The following STIL variants were observed in gnomAD, a reference collection of about 807,000 sequenced individuals.
STIL encodes SCL-interrupting locus protein.
STIL carries 55 observed loss-of-function variants against 110.1 expected under a neutral mutation model. That is an observed-to-expected ratio of 0.50 (90% CI 0.40 to 0.63). The LOEUF is 0.63. Ranked by LOEUF, STIL falls within the 20% of genes least tolerant of loss-of-function variation. The pLI, the probability that STIL is intolerant of heterozygous loss-of-function variation, is 0.00. For synonymous variants in STIL, 481 were observed against 530.0 expected, an observed-to-expected ratio of 0.91 and a Z score of 1.27; for missense variants, 1,358 against 1,530.0, an observed-to-expected ratio of 0.89 and a Z score of 1.87.
intron 12 of STIL, among the ~76,000 whole-genome samples, chr1:47,273,225 C>G (rs951212024): frequency 6.6e-6 from 1 of 152,152 alleles, no homozygotes; most frequent in African/African-American, 2.4e-5. Context: ...AATTCATGTA[C>G]CATGAAATTA....
At chr1:47,312,594 G>A (rs6702191) in intron 1 of STIL, among the ~76,000 whole-genome samples, 7,050 of 152,218 alleles carry the variant, frequency 0.046, 527 homozygotes, top group African/African-American at 0.16. Flanking sequence ...GTATTCACAT[G>A]GATAACTGTA....
Position 47,301,726 on chromosome 1 carries a change from T to C in STIL, c.288A>G (p.Thr96=). ...ADEDEEGVTL[T]VDRFDPGREV... ...CTCGACCAGGATCAAAGCGATCTAC[T>C]GTCAATGTTACACCTTCTTCATCTG... Residue 96 remains threonine, a synonymous_variant, in exon 5 of 17, where the codon ACA becomes ACG. Coordinates refer to ENST00000371877, the MANE Select transcript of STIL (RefSeq NM_001048166.1). 1 of 1,614,018 alleles carries C rather than the reference T, an allele frequency of 6.2e-7. No homozygotes were observed. The highest frequency in any genetic ancestry group is 8.5e-7 in the Non-Finnish European group (1 of 1,180,010).
intron 2 of STIL, among the ~76,000 whole-genome samples, chr1:47,307,984 G>C (rs1036299120): frequency 1.3e-5 from 2 of 152,166 alleles, no homozygotes; most frequent in African/African-American, 4.8e-5. Context: ...ATTGTAGTCA[G>C]ACCGGTTGAT....
intron 16 of STIL, among the ~76,000 whole-genome samples, chr1:47,252,842 G>GTTT (rs1159951249): frequency 6.8e-6 from 1 of 147,210 alleles, no homozygotes. Flanking sequence ...TTTTTCATTA[G>GTTT]TTATAATCTT....
chr1:47,272,360 T>C, intron 12 of STIL, 119 bp from the exon 13 acceptor site: 1 of 1,051,646 alleles, frequency 9.5e-7, no homozygotes, highest in Non-Finnish European at 1.4e-6. Flanking sequence ...AAGTCTATTT[T>C]CTCAAATTTC....
intron 8 of STIL, among the ~76,000 whole-genome samples, chr1:47,290,444 G>T (rs755898373): frequency 3.3e-5 from 5 of 152,150 alleles, no homozygotes; most frequent in Non-Finnish European, 7.4e-5. Context: ...AGTGGCTCAC[G>T]CCTGTAATCC....
At chr1:47,255,311 A>G (rs1644297859) in intron 16 of STIL, among the ~76,000 whole-genome samples, 1 of 152,212 alleles carries the variant, frequency 6.6e-6, no homozygotes, top group African/African-American at 2.4e-5. Flanking sequence ...AATAAATTTG[A>G]GTTAGCCACA....
At chr1:47,286,724 A>G (rs1645312087) in intron 10 of STIL, among the ~76,000 whole-genome samples, 1 of 152,040 alleles carries the variant, frequency 6.6e-6, no homozygotes, top group African/African-American at 2.4e-5. Flanking sequence ...CTGAGAAAGA[A>G]AGAATATTAG....
At chr1:47,306,431 T>C (rs1645963621) in intron 2 of STIL, among the ~76,000 whole-genome samples, 1 of 152,080 alleles carries the variant, frequency 6.6e-6, no homozygotes, top group South Asian at 2.1e-4. Flanking sequence ...CTTTTGTAAT[T>C]TTTGTAGACA....
At chr1:47,263,578 G>T (rs1428906546) in intron 14 of STIL, among the ~76,000 whole-genome samples, 1 of 151,972 alleles carries the variant, frequency 6.6e-6, no homozygotes, top group Admixed American at 6.6e-5. Context: ...CGTTTTAACA[G>T]GCTGCATATA....
intron 14 of STIL, among the ~76,000 whole-genome samples, chr1:47,265,253 A>AAAAC (rs1644611459): frequency 6.7e-6 from 1 of 149,710 alleles, no homozygotes; most frequent in African/African-American, 2.4e-5. Context: ...AAAAAAAAAA[A>AAAAC]AAAAAAACAC....
chr1:47,276,527 G>A (rs1644996009), intron 12 of STIL, among the ~76,000 whole-genome samples: 1 of 151,222 alleles, frequency 6.6e-6, no homozygotes, highest in Non-Finnish European at 1.5e-5. Flanking sequence ...CAACTTCTAG[G>A]CCAGGCATGG....
chr1:47,299,759 C>G, intron 6 of STIL, 146 bp downstream of exon 6: 1 of 897,410 alleles, frequency 1.1e-6, no homozygotes, highest in Non-Finnish European at 1.7e-6. Flanking sequence ...GAAAATAAAC[C>G]ATTTCATTTT....
chr1:47,295,517 T>G (rs1645616911), intron 7 of STIL, among the ~76,000 whole-genome samples: 1 of 151,676 alleles, frequency 6.6e-6, no homozygotes, highest in African/African-American at 2.4e-5. Context: ...GGGATGGAGA[T>G]TGCAGTGAGC....
intron 13 of STIL, among the ~76,000 whole-genome samples, chr1:47,270,259 C>T (rs867224171): frequency 1.7e-3 from 214 of 126,828 alleles, no homozygotes; most frequent in Middle Eastern, 7.9e-3. Context: ...TATATATACA[C>T]ACACACACAC....
At chr1:47,299,690 G>A in intron 6 of STIL, 3 of 511,686 alleles carry the variant, frequency 5.9e-6, no homozygotes. Context: ...ACTGCGCCAG[G>A]CCCTACCACC....
chr1:47,269,985 C>A, intron 13 of STIL, 119 bp from the exon 14 acceptor site: 1 of 936,618 alleles, frequency 1.1e-6, no homozygotes, highest in Non-Finnish European at 1.7e-6. Context: ...GCCTATAATC[C>A]CAACACTTTG....
chr1:47,280,689 G>A lies in STIL; in HGVS notation c.1769C>T (p.Pro590Leu). Residue 590 changes from proline (P) to leucine (L), a missense_variant, in exon 12 of 17, where the codon CCT becomes CTT. Physicochemically the swap from Pro to Leu is moderately conservative, Grantham distance 98 (BLOSUM62 -3). Transcript: ENST00000371877. ...NSGRPMELQIPTPPLPSYCST... is the reference protein window; with the variant it reads ...NSGRPMELQILTPPLPSYCST... ...ACAGTAAGATGGCAGTGGGGGAGTA[G>A]GTATCTGAAGTTCCATTGGTCTTCC... The A allele has an allele frequency of 1.2e-6, 2 of 1,614,208 alleles. No homozygotes were observed. The highest frequency in any genetic ancestry group is 1.7e-6 in the Non-Finnish European group (2 of 1,180,052).
intron 2 of STIL, among the ~76,000 whole-genome samples, chr1:47,309,552 CAAAG>C (rs1646062739): frequency 6.6e-6 from 1 of 151,648 alleles, no homozygotes; most frequent in South Asian, 2.1e-4. Flanking sequence ...ACATCTGGCA[CAAAG>C]AAAGACATTA....
Sources: gnomAD v4.1 joint callset for allele counts (sites outside exome capture counted in the v4.1 genomes callset) on GRCh38, gnomAD v4.1.1 for gene constraint, MANE v1.5 for transcripts, NCBI Gene and HGNC (gene_info 2026-07-23, HGNC 2026-07-21) for gene names.